Variants in OR1J2 observed in about 807,000 individuals in gnomAD.
OR1J2 encodes olfactory receptor 1J2.
For missense variants in OR1J2, 304 were observed against 246.1 expected, an observed-to-expected ratio of 1.24 and a Z score of -1.57; for synonymous variants, 142 against 99.7, an observed-to-expected ratio of 1.42 and a Z score of -2.52.
At chr9:122,571,642 G>C in the OR1J2 span, among the ~76,000 whole-genome samples, 1 of 151,860 alleles carries the variant, frequency 6.6e-6, no homozygotes, top group South Asian at 2.1e-4. Flanking sequence ...CTTGAACCCG[G>C]GAGGCGGAGG....
the OR1J2 span, chr9:122,476,842 ACT>A: frequency 1.7e-6 from 1 of 598,396 alleles, no homozygotes. Flanking sequence ...AGTAGCTGGG[ACT>A]ATAGGCATGC....
the OR1J2 span, chr9:122,553,676 C>A: frequency 1.9e-6 from 3 of 1,614,084 alleles, no homozygotes; most frequent in East Asian, 6.7e-5. Context: ...GGGTGCTAAC[C>A]AACTGTCCTG....
At chr9:122,449,826 T>C in the OR1J2 span, among the ~76,000 whole-genome samples, 15 of 152,326 alleles carry the variant, frequency 9.8e-5, no homozygotes, top group African/African-American at 3.6e-4. Flanking sequence ...AGATCGGGTA[T>C]GCTGTACATT....
the OR1J2 span, among the ~76,000 whole-genome samples, chr9:122,491,737 C>T: frequency 6.6e-6 from 1 of 152,100 alleles, no homozygotes; most frequent in Non-Finnish European, 1.5e-5. Context: ...AGGATGTACA[C>T]ATGGTGGATG....
At chr9:122,486,472 A>G in the OR1J2 span, among the ~76,000 whole-genome samples, 1 of 152,206 alleles carries the variant, frequency 6.6e-6, no homozygotes, top group Non-Finnish European at 1.5e-5. Flanking sequence ...GCACTCAAGA[A>G]TTTCATGAAG....
chr9:122,511,213 G>A lies in OR1J2; in HGVS notation c.412G>A (p.Glu138Lys), dbSNP rs376034267. 5 of 745,328 alleles carry A rather than the reference G, an allele frequency of 6.7e-6. No homozygotes were observed. Among genetic ancestry groups the A allele is most frequent in the African/African-American group, 1.7e-5 (1 of 58,048 alleles). 46.2% of individuals were successfully genotyped at this position (745,328 alleles called of 1,614,324 possible). ...HPLHYTVIMREELCVFLVAVS... is the reference protein window; with the variant it reads ...HPLHYTVIMRKELCVFLVAVS... ...TCTCCACTACACTGTCATCATGAGG[G>A]AAGAGCTCTGTGTCTTCTTAGTGGC... The change falls in exon 1 of 1, where the codon GAA becomes AAA. Residue 138 changes from glutamate (E) to lysine (K), a missense_variant. Glu to Lys is a moderately conservative substitution (Grantham distance 56, BLOSUM62 1). Coordinates refer to ENST00000335302, the MANE Select transcript of OR1J2 (RefSeq NM_054107.1).
chr9:122,551,433 G>T, the OR1J2 span, among the ~76,000 whole-genome samples: 7 of 152,298 alleles, frequency 4.6e-5, no homozygotes, highest in African/African-American at 1.7e-4. Context: ...TGAGGGTATT[G>T]TTTCCATCAG....
chr9:122,511,092 C>T lies in OR1J2; in HGVS notation c.291C>T (p.Cys97=). 9.0e-7 allele frequency: 1 copy of T among 1,109,824 alleles called. No homozygotes were observed. The allele number at this position is 1,109,824 out of a possible 1,614,324, so 68.7% of individuals were successfully genotyped here. A position where few individuals can be genotyped will look rare whatever the true frequency, so the allele number is the denominator to read the frequency against. ...TKYKSILYEE[C]ISQMYFFIFF... ...ACAAATCGATCCTCTATGAGGAATGCATTTCTCAGATGTATTTTTTTATAT... is the reference window on the plus strand; with the variant it reads ...ACAAATCGATCCTCTATGAGGAATGTATTTCTCAGATGTATTTTTTTATAT... Residue 97 remains cysteine (C), a synonymous_variant, in exon 1 of 1, where the codon TGC becomes TGT. Transcript: ENST00000335302.
At chr9:122,496,290 A>G in the OR1J2 span, among the ~76,000 whole-genome samples, 1 of 152,116 alleles carries the variant, frequency 6.6e-6, no homozygotes, top group Non-Finnish European at 1.5e-5. Context: ...CCATAGAGCT[A>G]CCAAGAGATT....
At chr9:122,523,875 C>G in the OR1J2 span, among the ~76,000 whole-genome samples, 1 of 152,194 alleles carries the variant, frequency 6.6e-6, no homozygotes, top group South Asian at 2.1e-4. Context: ...TGCTACCTCT[C>G]TCCATTACCC....
the OR1J2 span, among the ~76,000 whole-genome samples, chr9:122,497,331 C>T: frequency 1.3e-5 from 2 of 152,204 alleles, no homozygotes; most frequent in African/African-American, 4.8e-5. Context: ...GTCCTGCCTC[C>T]TATCTACCAT....
the OR1J2 span, among the ~76,000 whole-genome samples, chr9:122,569,966 G>C: frequency 6.7e-6 from 1 of 150,178 alleles, no homozygotes; most frequent in Admixed American, 6.7e-5. Flanking sequence ...TACTGAGAAT[G>C]ATGATTTCCA....
At chr9:122,490,258 AT>A in the OR1J2 span, among the ~76,000 whole-genome samples, 1 of 152,168 alleles carries the variant, frequency 6.6e-6, no homozygotes. Flanking sequence ...AGGGAATATT[AT>A]CCCAGATGGT....
At chr9:122,514,129 A>G (rs1828671081), downstream of OR1J2, among the ~76,000 whole-genome samples, 1 of 152,128 alleles carries the variant, frequency 6.6e-6, no homozygotes, top group Non-Finnish European at 1.5e-5. Context: ...TTTTCATTTT[A>G]TTATTATTTT....
the OR1J2 span, among the ~76,000 whole-genome samples, chr9:122,456,719 A>T: frequency 6.6e-6 from 1 of 152,184 alleles, no homozygotes; most frequent in African/African-American, 2.4e-5. Flanking sequence ...AAGTCAAGAA[A>T]CAACAGATGC....
chr9:122,540,687 A>G, the OR1J2 span, among the ~76,000 whole-genome samples: 36 of 152,262 alleles, frequency 2.4e-4, no homozygotes, highest in Non-Finnish European at 4.0e-4. Context: ...ATGGCATTGA[A>G]TCTATAAATT....
At chr9:122,508,654 A>G (rs2119375275), upstream of OR1J2, among the ~76,000 whole-genome samples, 1 of 152,282 alleles carries the variant, frequency 6.6e-6, no homozygotes, top group Non-Finnish European at 1.5e-5. Context: ...TGTTGGATGC[A>G]AGATGGAAGC....
the OR1J2 span, among the ~76,000 whole-genome samples, chr9:122,570,976 G>T: frequency 7.9e-5 from 12 of 152,192 alleles, no homozygotes; most frequent in Admixed American, 7.9e-4. Context: ...CAGTAAGGAA[G>T]TGAATAATAG....
At chr9:122,547,619 CAG>C in the OR1J2 span, among the ~76,000 whole-genome samples, 1 of 110,762 alleles carries the variant, frequency 9.0e-6, no homozygotes, top group East Asian at 3.0e-4. Flanking sequence ...AGTAGTAGTT[CAG>C]TGTGTGTGTG....
Sources: allele counts gnomAD v4.1 joint callset (sites outside exome capture counted in the v4.1 genomes callset), GRCh38; gene constraint gnomAD v4.1.1; transcripts MANE v1.5; gene names NCBI Gene and HGNC (gene_info 2026-07-23, HGNC 2026-07-21).